TPRG1: variants seen among roughly 807,000 people sequenced by gnomAD.
TPRG1 encodes the protein tumor protein p63-regulated gene 1 protein.
TPRG1 carries 29 observed loss-of-function variants against 29.3 expected under a neutral mutation model. That is an observed-to-expected ratio of 0.99 (90% CI 0.74 to 1.35). The LOEUF (loss-of-function observed/expected upper bound fraction) is 1.35, where lower values mean the gene tolerates loss of function less well. Among genes scored for constraint, TPRG1 ranks in the 40% most tolerant of loss-of-function variants. The pLI, the probability that TPRG1 is intolerant of heterozygous loss-of-function variation, is 0.00. For missense variants in TPRG1, 327 were observed against 335.0 expected, an observed-to-expected ratio of 0.98 and a Z score of 0.19; for synonymous variants, 130 against 116.8, an observed-to-expected ratio of 1.11 and a Z score of -0.73.
intron 1 of TPRG1, among the ~76,000 whole-genome samples, chr3:189,201,462 C>A (rs1368783963): frequency 1.3e-5 from 2 of 152,106 alleles, no homozygotes; most frequent in Non-Finnish European, 2.9e-5. Context: ...AGAGGGCCAG[C>A]AGCCCAGAAG....
intron 1 of TPRG1, among the ~76,000 whole-genome samples, chr3:189,102,886 C>T (rs145059198): frequency 6.6e-6 from 1 of 152,292 alleles, no homozygotes; most frequent in Non-Finnish European, 1.5e-5. Context: ...CCAGGGTCTA[C>T]CAAAGCTCAT....
chr3:189,115,798 G>A (rs781425856), intron 1 of TPRG1, among the ~76,000 whole-genome samples: 2 of 152,176 alleles, frequency 1.3e-5, no homozygotes, highest in African/African-American at 4.8e-5. Context: ...AGAGAAATAC[G>A]AAGGTCTAAA....
chr3:189,294,760 G>A (rs1418331270), intron 4 of TPRG1, among the ~76,000 whole-genome samples: 4 of 151,914 alleles, frequency 2.6e-5, no homozygotes, highest in Admixed American at 2.0e-4. Context: ...TGTAGACCAT[G>A]TTCCCTTTTC....
At chr3:189,308,732 C>A (rs2109304983) in intron 4 of TPRG1, among the ~76,000 whole-genome samples, 1 of 152,280 alleles carries the variant, frequency 6.6e-6, no homozygotes, top group Non-Finnish European at 1.5e-5. Flanking sequence ...GCTCTCTTGG[C>A]AGATTTTCAT....
At chr3:189,131,793 G>A (rs572047500) in intron 2 of TPRG1, among the ~76,000 whole-genome samples, 1 of 152,292 alleles carries the variant, frequency 6.6e-6, no homozygotes, top group African/African-American at 2.4e-5. Flanking sequence ...TGTGCTGCTT[G>A]TCTCTCATCT....
chr3:189,034,047 C>A (rs1164394458), intron 4 of TPRG1, among the ~76,000 whole-genome samples: 1 of 152,058 alleles, frequency 6.6e-6, no homozygotes, highest in East Asian at 1.9e-4. Context: ...TTACGTGTAG[C>A]TATGTGTCTT....
intron 1 of TPRG1, among the ~76,000 whole-genome samples, chr3:189,111,005 TGA>T (rs1203577197): frequency 6.6e-6 from 1 of 151,924 alleles, no homozygotes; most frequent in Non-Finnish European, 1.5e-5. Context: ...TTAAGTAGTA[TGA>T]GTCTTCCAAA....
In TPRG1 at chr3:189,323,246, C is replaced by T. The variant is rs1724466151; in HGVS notation, c.*2426C>T. 6.6e-6 allele frequency: 1 copy of T among 151,964 alleles called. No individual in the cohort carries two copies. The highest frequency in any genetic ancestry group is 1.5e-5 in the Non-Finnish European group (1 of 67,964). The allele number at this position is 151,964 out of a possible 1,614,324, so 9.4% of individuals were successfully genotyped here. On this transcript the variant is annotated 3_prime_UTR_variant, in exon 6 of 6. Coordinates refer to ENST00000345063, the MANE Select transcript of TPRG1 (RefSeq NM_198485.4). ...GACATAATCTTTTAAGGCCGGTGAC[C>T]CTATCATTTTCCAAATAATTGTTGC... is the stretch of plus-strand genomic sequence containing the variant.
intron 1 of TPRG1, among the ~76,000 whole-genome samples, chr3:189,101,589 T>C (rs1359662544): frequency 6.6e-6 from 1 of 152,054 alleles, no homozygotes; most frequent in Non-Finnish European, 1.5e-5. Flanking sequence ...TCATTCTGGA[T>C]GGTCAATATT....
At chr3:189,110,655 T>C (rs1720401669) in intron 1 of TPRG1, among the ~76,000 whole-genome samples, 1 of 152,026 alleles carries the variant, frequency 6.6e-6, no homozygotes, top group Non-Finnish European at 1.5e-5. Context: ...AATTCTGCTT[T>C]TTCTTCTGGA....
intron 3 of TPRG1, among the ~76,000 whole-genome samples, chr3:189,138,597 C>G (rs147858146): frequency 6.6e-6 from 1 of 152,112 alleles, no homozygotes; most frequent in Non-Finnish European, 1.5e-5. Flanking sequence ...GGATCAGGCA[C>G]GCATAGGAAG....
chr3:189,114,135 A>G (rs1311609986), intron 1 of TPRG1, among the ~76,000 whole-genome samples: 2 of 152,078 alleles, frequency 1.3e-5, no homozygotes, highest in Non-Finnish European at 2.9e-5. Flanking sequence ...AGATAATTTT[A>G]TTGTGGGGTG....
intron 4 of TPRG1, among the ~76,000 whole-genome samples, chr3:189,057,260 T>C (rs1487600349): frequency 6.6e-6 from 1 of 152,210 alleles, no homozygotes; most frequent in Admixed American, 6.5e-5. Flanking sequence ...GCTTCAGCCA[T>C]GAGGTGCTTG....
intron 4 of TPRG1, 55 bp downstream of exon 4, chr3:189,238,964 G>A: frequency 1.4e-6 from 2 of 1,461,242 alleles, no homozygotes; most frequent in Non-Finnish European, 1.8e-6. Context: ...GACCTGCAGG[G>A]AAAACAAGCC....
chr3:189,256,716 T>C (rs1202838597), intron 4 of TPRG1, among the ~76,000 whole-genome samples: 1 of 152,222 alleles, frequency 6.6e-6, no homozygotes, highest in Non-Finnish European at 1.5e-5. Flanking sequence ...ATATTTAGGA[T>C]AGTTAGCTCT....
At chr3:189,312,217 C>CCTTCT in intron 5 of TPRG1, among the ~76,000 whole-genome samples, 1 of 57,380 alleles carries the variant, frequency 1.7e-5, no homozygotes, top group Admixed American at 1.7e-4. Context: ...TTCTTTCTTT[C>CCTTCT]TTAAGACGGA....
At chr3:189,274,494 G>A (rs1324091820) in intron 4 of TPRG1, among the ~76,000 whole-genome samples, 1 of 152,038 alleles carries the variant, frequency 6.6e-6, no homozygotes, top group African/African-American at 2.4e-5. Context: ...AGACTAAAAG[G>A]GACGGTGACT....
intron 3 of TPRG1, among the ~76,000 whole-genome samples, chr3:189,233,848 T>C (rs757994002): frequency 2.0e-5 from 3 of 152,092 alleles, no homozygotes; most frequent in Non-Finnish European, 4.4e-5. Context: ...ACTGAAGCAC[T>C]GATAGAGGCA....
intron 2 of TPRG1, among the ~76,000 whole-genome samples, chr3:189,129,996 A>G (rs1328142715): frequency 6.6e-6 from 1 of 152,228 alleles, no homozygotes; most frequent in South Asian, 2.1e-4. Context: ...AAGAGGGATA[A>G]TAAAACTTCT....
Sources: gnomAD v4.1 joint callset for allele counts (sites outside exome capture counted in the v4.1 genomes callset) on GRCh38, gnomAD v4.1.1 for gene constraint, MANE v1.5 for transcripts, NCBI Gene and HGNC (gene_info 2026-07-23, HGNC 2026-07-21) for gene names.